The following TSPAN5 variants were observed in gnomAD, a reference collection of about 807,000 sequenced individuals.
TSPAN5 encodes the protein tetraspanin 5.
TSPAN5 carries 10 observed loss-of-function variants against 37.1 expected under a neutral mutation model. The ratio of observed to expected loss-of-function variants is 0.27; its 90% CI spans 0.17 to 0.46. TSPAN5 has a LOEUF of 0.46. Among genes scored for constraint, TSPAN5 ranks in the 20% least tolerant of loss-of-function variants. The pLI, the probability that TSPAN5 is intolerant of heterozygous loss-of-function variation, is 1.00. For synonymous variants in TSPAN5, 110 were observed against 118.9 expected, an observed-to-expected ratio of 0.93 and a Z score of 0.48; for missense variants, 195 against 326.6, an observed-to-expected ratio of 0.60 and a Z score of 3.11.
chr4:98,505,761 A>G (rs1177859395), intron 2 of TSPAN5, among the ~76,000 whole-genome samples: 1 of 152,120 alleles, frequency 6.6e-6, no homozygotes, highest in Non-Finnish European at 1.5e-5. Flanking sequence ...AGCACTCACC[A>G]AACTGGGCTG....
intron 5 of TSPAN5, 64 bp downstream of exon 5, chr4:98,478,621 C>T (rs1291226152): frequency 4.4e-6 from 7 of 1,603,302 alleles, no homozygotes; most frequent in African/African-American, 1.3e-5. Context: ...TCACTCTGCT[C>T]GTCCCATGCA....
intron 1 of TSPAN5, among the ~76,000 whole-genome samples, chr4:98,577,126 T>C (rs1755257063): frequency 6.6e-6 from 1 of 152,206 alleles, no homozygotes. Flanking sequence ...AACTGTTTTA[T>C]ATTCTGCTGA....
rs140014298 is a variant in TSPAN5, at chr4:98,539,232, G to A, written c.82-31504C>T. Among the ~76,000 whole-genome samples the A allele has an allele frequency of 4.8e-3, 725 of 150,816 alleles. 4 individuals carry two copies. Among genetic ancestry groups the A allele is most frequent in the Middle Eastern group, 0.014 (4 of 294 alleles). On this transcript the variant is annotated intron_variant, in intron 1 of 7. Transcript: ENST00000305798. The stretch of plus-strand genomic sequence containing the variant: ...AATCTTTTTCCTCAAATAATTATTT[G>A]TAAAAATTAGAATATCATTTACAAA...
At chr4:98,523,453 G>T (rs1027466653) in intron 1 of TSPAN5, among the ~76,000 whole-genome samples, 1 of 151,066 alleles carries the variant, frequency 6.6e-6, no homozygotes, top group Non-Finnish European at 1.5e-5. Context: ...GTTTTTTTTT[G>T]AGACAGAGTC....
chr4:98,595,429 A>T, intron 1 of TSPAN5, among the ~76,000 whole-genome samples: 1 of 111,660 alleles, frequency 9.0e-6, no homozygotes, highest in Non-Finnish European at 1.8e-5. Flanking sequence ...TTGTGTCTCT[A>T]TTTCCTTCAG....
rs566942548 is a variant in TSPAN5, at chr4:98,501,003, C to T, written c.132+6675G>A. On this transcript the variant is annotated intron_variant, in intron 2 of 7. Coordinates refer to ENST00000305798, the MANE Select transcript of TSPAN5 (RefSeq NM_005723.4). ...TGAAAAGCTGAGTCCTCCCTCGCCC[C>T]AATACCTTTATTTCTAATTGTGAGT... 3.5e-4 allele frequency among the ~76,000 whole-genome samples: 53 copies of T among 152,282 alleles called. No individual in the cohort carries two copies. The South Asian group carries it at 0.011, about 31-fold the overall frequency.
At chr4:98,478,603 C>T in intron 5 of TSPAN5, 82 bp downstream of exon 5, 1 of 1,584,266 alleles carries the variant, frequency 6.3e-7, no homozygotes, top group Non-Finnish European at 8.6e-7. Context: ...GAGGGTTCAA[C>T]CAAAAAATCA....
chr4:98,570,895 G>C (rs1279031581), intron 1 of TSPAN5, among the ~76,000 whole-genome samples: 3 of 151,848 alleles, frequency 2.0e-5, no homozygotes, highest in Non-Finnish European at 4.4e-5. Flanking sequence ...TCACCTACCA[G>C]TACCCTGAGA....
In TSPAN5 at chr4:98,472,465, G is replaced by A. The variant is rs370941341; in HGVS notation, c.*57C>T. On this transcript the variant is annotated 3_prime_UTR_variant, in exon 8 of 8. Coordinates refer to ENST00000305798, the MANE Select transcript of TSPAN5 (RefSeq NM_005723.4). ...CAGCTCGAAGATCAGTTCGGCACGCGGGAGGGTCCCGAAAGCTGGGTCTGT... is the reference window on the plus strand; with the variant it reads ...CAGCTCGAAGATCAGTTCGGCACGCAGGAGGGTCCCGAAAGCTGGGTCTGT... 1,043 of 1,526,024 alleles carry A rather than the reference G, an allele frequency of 6.8e-4. 1 individual carries two copies. Among genetic ancestry groups the A allele is most frequent in the Non-Finnish European group, 8.6e-4 (952 of 1,103,770 alleles). 94.5% of individuals were successfully genotyped at this position (1,526,024 alleles called of 1,614,324 possible). A position where few individuals can be genotyped will look rare whatever the true frequency, so the allele number is the denominator to read the frequency against.
At chr4:98,584,102 A>AGCTT (rs1208889499) in intron 1 of TSPAN5, among the ~76,000 whole-genome samples, 1 of 151,970 alleles carries the variant, frequency 6.6e-6, no homozygotes, top group Non-Finnish European at 1.5e-5. Flanking sequence ...TTTTACGGAG[A>AGCTT]GCTTCCAAAT....
intron 1 of TSPAN5, among the ~76,000 whole-genome samples, chr4:98,559,610 G>A (rs1754834180): frequency 6.6e-6 from 1 of 152,040 alleles, no homozygotes; most frequent in African/African-American, 2.4e-5. Flanking sequence ...ACCACTATTG[G>A]AAATACTCCA....
intron 1 of TSPAN5, among the ~76,000 whole-genome samples, chr4:98,589,022 A>G (rs1755559805): frequency 6.6e-6 from 1 of 152,176 alleles, no homozygotes; most frequent in African/African-American, 2.4e-5. Context: ...AAGGGCCTGG[A>G]AAGGGACACA....
intron 1 of TSPAN5, among the ~76,000 whole-genome samples, chr4:98,552,697 C>T (rs2110156966): frequency 6.6e-6 from 1 of 152,272 alleles, no homozygotes; most frequent in South Asian, 2.1e-4. Context: ...GACTCATTTA[C>T]TACAGTTATT....
chr4:98,502,098 A>G (rs1753365899), intron 2 of TSPAN5, among the ~76,000 whole-genome samples: 3 of 152,228 alleles, frequency 2.0e-5, no homozygotes, highest in Admixed American at 6.5e-5. Flanking sequence ...GTCAGGAATG[A>G]GCAAGTAGAA....
At chr4:98,550,200 TG>T (rs1363499214) in intron 1 of TSPAN5, among the ~76,000 whole-genome samples, 1 of 152,208 alleles carries the variant, frequency 6.6e-6, no homozygotes, top group Non-Finnish European at 1.5e-5. Flanking sequence ...TGTAGATATG[TG>T]GCTTTATTTT....
chr4:98,498,946 G>A (rs946756146), intron 2 of TSPAN5, among the ~76,000 whole-genome samples: 2 of 152,200 alleles, frequency 1.3e-5, no homozygotes, highest in Non-Finnish European at 2.9e-5. Context: ...GGGACAGCAC[G>A]GAAGAGGTGG....
At chr4:98,486,416 A>C in intron 3 of TSPAN5, 1 of 219,642 alleles carries the variant, frequency 4.6e-6, no homozygotes, top group Non-Finnish European at 8.8e-6. Context: ...AACGGTGGGA[A>C]GGAATCACTT....
At chr4:98,644,561 G>A (rs563193903) in intron 1 of TSPAN5, among the ~76,000 whole-genome samples, 1 of 151,738 alleles carries the variant, frequency 6.6e-6, no homozygotes, top group Non-Finnish European at 1.5e-5. Context: ...CAATGTGCAG[G>A]TTACATATGT....
At chr4:98,534,194 C>G (rs1000420146) in intron 1 of TSPAN5, among the ~76,000 whole-genome samples, 1 of 152,010 alleles carries the variant, frequency 6.6e-6, no homozygotes, top group Non-Finnish European at 1.5e-5. Context: ...TAAATGTGTC[C>G]CAGAGAGTCT....
Sources: gnomAD v4.1 joint callset for allele counts (sites outside exome capture counted in the v4.1 genomes callset) on GRCh38, gnomAD v4.1.1 for gene constraint, MANE v1.5 for transcripts, NCBI Gene and HGNC (gene_info 2026-07-23, HGNC 2026-07-21) for gene names.